CLMP: variants seen among roughly 807,000 people sequenced by gnomAD.
The protein encoded by CLMP is CXADR-like membrane protein.
A neutral mutation model predicts 45.2 loss-of-function variants in CLMP; 27 were observed. The observed-to-expected ratio is 0.60, with a 90% CI of 0.44 to 0.82. CLMP has a LOEUF of 0.82. CLMP is among the 40% of genes least tolerant of loss of function. The pLI is 0.00. For missense variants in CLMP, 403 were observed against 448.4 expected (o/e 0.90, Z 0.91); for synonymous variants, 167 against 171.4 (o/e 0.97, Z 0.20).
At chr11:123,148,560 A>C (rs949763234) in intron 1 of CLMP, among the ~76,000 whole-genome samples, 11 of 152,220 alleles carry the variant, frequency 7.2e-5, no homozygotes, top group African/African-American at 2.2e-4. Flanking sequence ...CTCTTGACTT[A>C]GATTAGCAGA....
intron 1 of CLMP, among the ~76,000 whole-genome samples, chr11:123,104,936 T>C (rs576608199): frequency 6.6e-6 from 1 of 152,230 alleles, no homozygotes; most frequent in Non-Finnish European, 1.5e-5. Flanking sequence ...AGTAAGGGAA[T>C]AGTCTCTGCT....
In CLMP at chr11:123,073,478, A is replaced by G; in HGVS notation, c.1118T>C (p.Val373Ala). 1 of 1,608,102 alleles carries G rather than the reference A, an allele frequency of 6.2e-7. No homozygotes were observed. Among genetic ancestry groups the G allele is most frequent in the South Asian group, 1.1e-5 (1 of 90,512 alleles). The change falls in exon 7 of 7, where the codon GTC (valine) becomes GCC (alanine). Residue 373 changes from valine (V) to alanine (A), a missense_variant. By Grantham distance (64) the Val-to-Ala change is moderately conservative. Transcript: ENST00000448775. The stretch of plus-strand genomic sequence containing the variant: ...GGGAGTCAAGTCCATTGTAATTCAG[A>G]CCGTTTGGAAGGCTCTGCTCTGGCT... ...IPSQSRAFQTV is the reference protein window; with the variant it reads ...IPSQSRAFQTA
chr11:123,136,363 G>A, intron 1 of CLMP: 1 of 558,192 alleles, frequency 1.8e-6, no homozygotes, highest in Non-Finnish European at 3.5e-6. Context: ...CATATTCTTG[G>A]GGAGCCGGGT....
In CLMP at chr11:123,164,235, G is replaced by A. The variant is rs892660563; in HGVS notation, c.28+30678C>T. ...TGTCTGCCTTAATAGACTCCCCTTG[G>A]ATTTCCTGGTACCTAAAATAGGGCC... On this transcript the variant is annotated intron_variant, in intron 1 of 6. Transcript: ENST00000448775. Among the ~76,000 whole-genome samples the A allele has an allele frequency of 5.2e-4, 79 of 152,138 alleles. 1 individual carries two copies. The highest frequency in any genetic ancestry group is 4.6e-4 in the Admixed American group (7 of 15,270).
chr11:123,173,960 G>A (rs969068495), intron 1 of CLMP, among the ~76,000 whole-genome samples: 3 of 152,072 alleles, frequency 2.0e-5, no homozygotes, highest in African/African-American at 4.8e-5. Flanking sequence ...GTGCATACCT[G>A]TAGTCCCAGC....
chr11:123,159,155 T>C (rs1475515378), intron 1 of CLMP, among the ~76,000 whole-genome samples: 1 of 152,260 alleles, frequency 6.6e-6, no homozygotes, highest in Non-Finnish European at 1.5e-5. Flanking sequence ...GATGTGTGTA[T>C]GTTATTTAAA....
intron 1 of CLMP, among the ~76,000 whole-genome samples, chr11:123,139,470 GCAATA>G (rs1861124625): frequency 6.6e-6 from 1 of 152,130 alleles, no homozygotes; most frequent in Admixed American, 6.5e-5. Flanking sequence ...TTCCACATCT[GCAATA>G]CAAAGGAGTT....
intron 1 of CLMP, 102 bp downstream of exon 1, chr11:123,194,811 C>G: frequency 6.9e-7 from 1 of 1,456,674 alleles, no homozygotes; most frequent in South Asian, 1.2e-5. Flanking sequence ...CGGCTGACTC[C>G]AGGGGCTGCA....
At chr11:123,156,875 T>C (rs10400282) in intron 1 of CLMP, among the ~76,000 whole-genome samples, 12 of 152,242 alleles carry the variant, frequency 7.9e-5, no homozygotes, top group Admixed American at 2.0e-4. Context: ...TTGGACACTT[T>C]CTTTCCAGGA....
At chr11:123,130,103 A>G (rs1860963945) in intron 1 of CLMP, among the ~76,000 whole-genome samples, 1 of 152,190 alleles carries the variant, frequency 6.6e-6, no homozygotes, top group Non-Finnish European at 1.5e-5. Context: ...CTCTCTTCAT[A>G]GGAATGCAGA....
At chr11:123,166,179 G>T (rs139361412) in intron 1 of CLMP, among the ~76,000 whole-genome samples, 1 of 152,170 alleles carries the variant, frequency 6.6e-6, no homozygotes, top group Non-Finnish European at 1.5e-5. Flanking sequence ...AGGCCTGAAG[G>T]GGGAGCAGTC....
At chr11:123,145,452 GTTTTTTTTTT>G (rs66487810) in intron 1 of CLMP, among the ~76,000 whole-genome samples, 1 of 61,808 alleles carries the variant, frequency 1.6e-5, no homozygotes, top group Non-Finnish European at 3.0e-5. Context: ...CTCTGCGGCT[GTTTTTTTTTT>G]TTTTTTTTTT....
intron 1 of CLMP, among the ~76,000 whole-genome samples, chr11:123,101,818 G>A (rs577343884): frequency 6.6e-6 from 1 of 152,348 alleles, no homozygotes; most frequent in South Asian, 2.1e-4. Context: ...CATCAGGCTG[G>A]GAAGGAGAGA....
intron 1 of CLMP, among the ~76,000 whole-genome samples, chr11:123,120,848 C>A (rs66978038): frequency 8.6e-5 from 13 of 151,854 alleles, no homozygotes; most frequent in Admixed American, 8.5e-4. Flanking sequence ...TGTTTGGGGC[C>A]GGGCGCGGTG....
chr11:123,169,776 T>A (rs753707521), intron 1 of CLMP, among the ~76,000 whole-genome samples: 1 of 152,162 alleles, frequency 6.6e-6, no homozygotes, highest in Non-Finnish European at 1.5e-5. Context: ...ACATTTAAGA[T>A]GTACATTGGT....
chr11:123,171,685 C>T (rs1020227570), intron 1 of CLMP, among the ~76,000 whole-genome samples: 5 of 152,038 alleles, frequency 3.3e-5, no homozygotes, highest in African/African-American at 1.2e-4. Context: ...CTCAAGCGAT[C>T]CGCCTTCCTC....
At chr11:123,161,760 C>T (rs970947990) in intron 1 of CLMP, among the ~76,000 whole-genome samples, 1 of 152,122 alleles carries the variant, frequency 6.6e-6, no homozygotes, top group African/African-American at 2.4e-5. Flanking sequence ...ACAGCAGTCC[C>T]CCAAGAGTAG....
intron 1 of CLMP, among the ~76,000 whole-genome samples, chr11:123,118,696 A>T (rs569382401): frequency 6.6e-6 from 1 of 152,244 alleles, no homozygotes; most frequent in Non-Finnish European, 1.5e-5. Context: ...CACCCAGTTT[A>T]TATCCCAGCA....
chr11:123,131,352 A>T (rs912376555), intron 1 of CLMP, among the ~76,000 whole-genome samples: 1 of 152,160 alleles, frequency 6.6e-6, no homozygotes, highest in African/African-American at 2.4e-5. Context: ...AAAAAGAAAA[A>T]ATATAGAAAG....
Sources: allele counts gnomAD v4.1 joint callset (sites outside exome capture counted in the v4.1 genomes callset), GRCh38; gene constraint gnomAD v4.1.1; transcripts MANE v1.5; gene names NCBI Gene and HGNC (gene_info 2026-07-23, HGNC 2026-07-21).